AGO3: variants seen among roughly 807,000 people sequenced by gnomAD.
The protein encoded by AGO3 is argonaute RISC catalytic component 3.
Under a neutral mutation model 105.5 loss-of-function variants are expected in AGO3, and 16 were observed. The observed-to-expected ratio is 0.15, with a 90% CI of 0.10 to 0.23. The LOEUF (loss-of-function observed/expected upper bound fraction) is 0.23. AGO3 is among the 10% of genes least tolerant of loss of function. AGO3 has a pLI of 1.00. For synonymous variants in AGO3, 340 were observed against 367.3 expected, an observed-to-expected ratio of 0.93 and a Z score of 0.85; for missense variants, 534 against 1,088.0, an observed-to-expected ratio of 0.49 and a Z score of 7.16.
At chr1:35,957,678 A>G (rs1260408504) in intron 2 of AGO3, among the ~76,000 whole-genome samples, 1 of 152,122 alleles carries the variant, frequency 6.6e-6, no homozygotes, top group Non-Finnish European at 1.5e-5. Flanking sequence ...GTGAGCAGAG[A>G]TTGTGCCACT....
intron 2 of AGO3, among the ~76,000 whole-genome samples, chr1:35,965,900 A>G (rs1646765743): frequency 7.0e-6 from 1 of 141,994 alleles, no homozygotes; most frequent in Admixed American, 7.8e-5. Context: ...ATCTCGGCTC[A>G]CCACAACCTC....
intron 2 of AGO3, among the ~76,000 whole-genome samples, chr1:35,958,006 A>G (rs1174047081): frequency 6.6e-6 from 1 of 152,120 alleles, no homozygotes; most frequent in Non-Finnish European, 1.5e-5. Flanking sequence ...TGGAGGCTGC[A>G]GTGAGCCATG....
intron 11 of AGO3, among the ~76,000 whole-genome samples, chr1:36,023,705 A>T (rs775843173): frequency 6.6e-5 from 10 of 152,198 alleles, no homozygotes; most frequent in Non-Finnish European, 2.9e-5. Flanking sequence ...GTACAGAGAA[A>T]CCTTTAGGCC....
At chr1:36,050,075 A>G (rs1359962175) in intron 17 of AGO3, among the ~76,000 whole-genome samples, 3 of 152,220 alleles carry the variant, frequency 2.0e-5, no homozygotes, top group African/African-American at 7.2e-5. Flanking sequence ...GACCTAACAA[A>G]TATATACAAA....
intron 5 of AGO3, among the ~76,000 whole-genome samples, chr1:35,978,505 T>C (rs1456474617): frequency 2.0e-5 from 3 of 152,334 alleles, no homozygotes; most frequent in South Asian, 2.1e-4. Flanking sequence ...AAACAATTTT[T>C]TTTTTTATTA....
chr1:35,975,378 T>C (rs559758094), intron 5 of AGO3, among the ~76,000 whole-genome samples: 1 of 150,914 alleles, frequency 6.6e-6, no homozygotes, highest in East Asian at 2.1e-4. Flanking sequence ...TTTAATGAAC[T>C]GTTAGTTTAT....
At chr1:35,992,409 T>A (rs910471171) in intron 5 of AGO3, 5 of 152,296 alleles carry the variant, frequency 3.3e-5, no homozygotes, top group African/African-American at 1.2e-4. Context: ...TTTATTTTTC[T>A]GCATCACTCC....
At chr1:36,047,860 A>G (rs1642541007) in intron 17 of AGO3, among the ~76,000 whole-genome samples, 1 of 151,404 alleles carries the variant, frequency 6.6e-6, no homozygotes, top group African/African-American at 2.4e-5. Context: ...GCCTGGGATG[A>G]CAGAGTGAGG....
chr1:36,003,250 A>G (rs929334762), intron 5 of AGO3, among the ~76,000 whole-genome samples: 4 of 151,812 alleles, frequency 2.6e-5, no homozygotes, highest in African/African-American at 4.8e-5. Context: ...AATAGCCATT[A>G]ATAAGTATGT....
chr1:36,010,674 G>GA (rs1640564026), intron 9 of AGO3, among the ~76,000 whole-genome samples: 1 of 151,470 alleles, frequency 6.6e-6, no homozygotes. Flanking sequence ...TTCGGAGGCC[G>GA]AGGGGGGCGG....
In AGO3 at chr1:35,938,802, T is replaced by C. The variant is rs562738166; in HGVS notation, c.20-6890T>C. Among the ~76,000 whole-genome samples, 7 of 152,322 alleles carry C rather than the reference T, an allele frequency of 4.6e-5. No individual in the cohort carries two copies. The South Asian group carries it at 1.4e-3, about 32-fold the overall frequency. On this transcript the variant is annotated intron_variant, in intron 1 of 18. Transcript: ENST00000373191. ...CCAGTGAAAATCTATAAGTTAGTAA[T>C]TGGCTATAGTATATGTTATAGTTGA...
chr1:35,978,833 A>G (rs1334960052), intron 5 of AGO3, among the ~76,000 whole-genome samples: 1 of 152,166 alleles, frequency 6.6e-6, no homozygotes, highest in Non-Finnish European at 1.5e-5. Context: ...TATTTAAAAC[A>G]ATTATTTTTC....
intron 12 of AGO3, among the ~76,000 whole-genome samples, chr1:36,031,538 A>G (rs1641776365): frequency 6.6e-6 from 1 of 151,942 alleles, no homozygotes; most frequent in Non-Finnish European, 1.5e-5. Context: ...ATTCACTCAC[A>G]TAATTTCAAG....
chr1:36,006,420 A>G lies in AGO3; in HGVS notation c.793+1945A>G, dbSNP rs1411005956. On this transcript the variant is annotated intron_variant, in intron 6 of 18. Coordinates refer to ENST00000373191, the MANE Select transcript of AGO3 (RefSeq NM_024852.4). ...GAAAATGTATAAGTACCATATATAT[A>G]TATCTATATATGTGCCAACTTATTT... Among the ~76,000 whole-genome samples the G allele has an allele frequency of 3.9e-5, 6 of 152,074 alleles. No homozygotes were observed. In the South Asian group the frequency reaches 1.2e-3, roughly 31 times the overall value.
At chr1:35,949,515 C>A (rs999779638) in intron 2 of AGO3, among the ~76,000 whole-genome samples, 3 of 152,176 alleles carry the variant, frequency 2.0e-5, no homozygotes, top group Non-Finnish European at 4.4e-5. Flanking sequence ...CTAGATAGAA[C>A]TTAACAATTC....
At chr1:35,983,268 C>G (rs1647088997) in intron 5 of AGO3, 1 of 151,982 alleles carries the variant, frequency 6.6e-6, no homozygotes, top group Non-Finnish European at 1.5e-5. Context: ...GGTAGCCTAG[C>G]AAGTTAACAC....
chr1:35,967,150 T>C, intron 3 of AGO3, 75 bp downstream of exon 3: 1 of 1,506,818 alleles, frequency 6.6e-7, no homozygotes, highest in Non-Finnish European at 8.9e-7. Flanking sequence ...TTACCATTTT[T>C]ATTACAGTCC....
intron 16 of AGO3, among the ~76,000 whole-genome samples, chr1:36,042,881 T>G (rs933117250): frequency 4.6e-5 from 7 of 152,254 alleles, no homozygotes; most frequent in African/African-American, 1.7e-4. Context: ...TTGTGTGCTA[T>G]TGAGCAAATT....
chr1:35,991,279 G>A (rs575408822), intron 5 of AGO3, among the ~76,000 whole-genome samples: 1 of 152,216 alleles, frequency 6.6e-6, no homozygotes, highest in South Asian at 2.1e-4. Context: ...GGGCGACAGA[G>A]TGAGACTCCA....
Sources: gnomAD v4.1 joint callset for allele counts (sites outside exome capture counted in the v4.1 genomes callset) on GRCh38, gnomAD v4.1.1 for gene constraint, MANE v1.5 for transcripts, NCBI Gene and HGNC (gene_info 2026-07-23, HGNC 2026-07-21) for gene names.